The following RBMS3 variants were observed in gnomAD, a reference collection of about 807,000 sequenced individuals.
The protein encoded by RBMS3 is RNA-binding motif, single-stranded-interacting protein 3.
A neutral mutation model predicts 66.8 loss-of-function variants in RBMS3; 27 were observed. The observed-to-expected ratio is 0.40, with a 90% CI of 0.30 to 0.56. RBMS3 has a LOEUF of 0.56. RBMS3 is among the 20% of genes least tolerant of loss of function. The pLI is 0.40. For synonymous variants in RBMS3, 188 were observed against 183.0 expected (o/e 1.03, Z -0.22); for missense variants, 513 against 549.5 (o/e 0.93, Z 0.66).
At chr3:29,611,422 C>T (rs1383907209) in intron 4 of RBMS3, among the ~76,000 whole-genome samples, 1 of 151,994 alleles carries the variant, frequency 6.6e-6, no homozygotes, top group African/African-American at 2.4e-5. Context: ...TCAAATTCGG[C>T]TGTATTCTGC....
At chr3:29,356,969 C>T (rs1216127558) in intron 1 of RBMS3, among the ~76,000 whole-genome samples, 1 of 151,992 alleles carries the variant, frequency 6.6e-6, no homozygotes, top group Non-Finnish European at 1.5e-5. Context: ...ATTATCCATG[C>T]ATGATTACAT....
At chr3:29,587,091 A>G (rs770360289) in intron 3 of RBMS3, 23 bp from the exon 4 acceptor site, 1 of 1,577,028 alleles carries the variant, frequency 6.3e-7, no homozygotes, top group East Asian at 2.3e-5. Flanking sequence ...GAATATTAAC[A>G]AGGGGATTTT....
At chr3:29,730,822 A>G in intron 4 of RBMS3, 1 of 946,078 alleles carries the variant, frequency 1.1e-6, no homozygotes, top group Non-Finnish European at 1.3e-6. Context: ...TGATATGGTA[A>G]TATATTAAAA....
In RBMS3 at chr3:29,356,731, T is replaced by A. The variant is rs142258020; in HGVS notation, c.75+74975T>A. Among the ~76,000 whole-genome samples, 692 of 152,268 alleles carry A rather than the reference T, an allele frequency of 4.5e-3. 7 individuals are homozygous for A. The highest frequency in any genetic ancestry group is 0.015 in the African/African-American group (623 of 41,566). On this transcript the variant is annotated intron_variant, in intron 1 of 14. Transcript: ENST00000383767. ...GCTAAATAATATTTACTGTGAAAGA[T>A]GTGTGTGTTTGTCAGTGGATGTGTG...
chr3:29,571,429 C>A (rs2046949947), intron 3 of RBMS3, among the ~76,000 whole-genome samples: 4 of 152,018 alleles, frequency 2.6e-5, no homozygotes, highest in Non-Finnish European at 1.5e-5. Context: ...AGTCTTTAAT[C>A]CATTTTGATA....
At chr3:29,988,414 T>C (rs1698581523) in intron 13 of RBMS3, among the ~76,000 whole-genome samples, 191 bp downstream of exon 13, 1 of 152,234 alleles carries the variant, frequency 6.6e-6, no homozygotes. Context: ...GCACATGAAA[T>C]GAGCTCATCT....
chr3:29,826,265 G>T (rs1295863157), intron 6 of RBMS3, among the ~76,000 whole-genome samples: 3 of 152,090 alleles, frequency 2.0e-5, no homozygotes, highest in Non-Finnish European at 4.4e-5. Context: ...TATAGCAATT[G>T]TTCACTATAA....
At chr3:29,460,276 G>A (rs1378334449) in intron 2 of RBMS3, among the ~76,000 whole-genome samples, 1 of 152,286 alleles carries the variant, frequency 6.6e-6, no homozygotes, top group Admixed American at 6.5e-5. Context: ...AGTGATTTCA[G>A]TGCAGTGGAT....
At chr3:29,729,149 A>T (rs552825809) in intron 4 of RBMS3, among the ~76,000 whole-genome samples, 89 of 77,666 alleles carry the variant, frequency 1.1e-3, no homozygotes, top group Admixed American at 1.6e-3. Flanking sequence ...CCACCCCCCA[A>T]CCCCCTGACA....
At chr3:29,339,857 CAG>C (rs1321964076) in intron 1 of RBMS3, among the ~76,000 whole-genome samples, 2 of 152,178 alleles carry the variant, frequency 1.3e-5, no homozygotes, top group African/African-American at 2.4e-5. Flanking sequence ...CAAGATGGCA[CAG>C]AGTATGTTGT....
rs117559892 is a variant in RBMS3, at chr3:29,784,781, G to A, written c.637+21792G>A. Among the ~76,000 whole-genome samples the A allele has an allele frequency of 9.4e-3, 1,429 of 151,996 alleles. 41 individuals are homozygous for A. In the East Asian group the frequency reaches 0.1, roughly 11 times the overall value. On this transcript the variant is annotated intron_variant, in intron 6 of 14. Transcript: ENST00000383767. ...AAACGATAAATAAAATTGATAGACC[G>A]TTAGCAAAATTAACCAAGAAAAGAA...
Position 30,005,103 on chromosome 3 carries a change from TA to T in RBMS3, c.*1254del, listed in dbSNP as rs10681559. ...AGGTTGTTTTCGTTTCTTTTCTTTT[TA>T]AAAAAAAAAAAATTTATTTGACCGA... On this transcript the variant is annotated 3_prime_UTR_variant, in exon 15 of 15. Transcript: ENST00000383767. 187 of 142,256 alleles carry T rather than the reference TA, an allele frequency of 1.3e-3. 1 individual carries two copies. The highest frequency in any genetic ancestry group is 2.9e-3 in the African/African-American group (117 of 39,888). The allele number at this position is 142,256 out of a possible 1,614,324, so 8.8% of individuals were successfully genotyped here.
chr3:29,988,033 T>C (rs1698548836), intron 12 of RBMS3, 110 bp from the exon 13 acceptor site: 1 of 809,372 alleles, frequency 1.2e-6, no homozygotes, highest in East Asian at 2.6e-5. Flanking sequence ...TGGGAAAAAA[T>C]ACACACTGGC....
chr3:29,698,073 AATC>A (rs2052363197), intron 4 of RBMS3: 1 of 373,220 alleles, frequency 2.7e-6, no homozygotes, highest in Non-Finnish European at 3.7e-6. Context: ...GCAACACAAA[AATC>A]TTCATACTTG....
intron 6 of RBMS3, chr3:29,765,708 A>T (rs928767773): frequency 6.6e-6 from 1 of 151,964 alleles, no homozygotes; most frequent in African/African-American, 2.4e-5. Flanking sequence ...ATTGAATATG[A>T]TGTCAATCAT....
At chr3:29,701,443 G>C (rs866449817) in intron 4 of RBMS3, among the ~76,000 whole-genome samples, 8 of 152,178 alleles carry the variant, frequency 5.3e-5, no homozygotes, top group Admixed American at 2.6e-4. Flanking sequence ...GCTCGCCCTC[G>C]GTGCCTCCTC....
At chr3:29,578,793 T>C (rs1417206818) in intron 3 of RBMS3, among the ~76,000 whole-genome samples, 5 of 111,744 alleles carry the variant, frequency 4.5e-5, no homozygotes, top group African/African-American at 8.7e-5. Context: ...CATGCTTCTT[T>C]TTTTTTTTTT....
At chr3:29,845,100 G>A (rs747337297) in intron 6 of RBMS3, among the ~76,000 whole-genome samples, 22 of 152,162 alleles carry the variant, frequency 1.4e-4, no homozygotes, top group Non-Finnish European at 2.1e-4. Flanking sequence ...GGCCATGGAG[G>A]CTCATGTTTA....
chr3:29,857,358 TC>T (rs906413480), intron 6 of RBMS3, among the ~76,000 whole-genome samples: 1 of 151,996 alleles, frequency 6.6e-6, no homozygotes, highest in African/African-American at 2.4e-5. Context: ...AAAAGATTCC[TC>T]CCTATCTACC....
Sources: allele counts gnomAD v4.1 joint callset (sites outside exome capture counted in the v4.1 genomes callset), GRCh38; gene constraint gnomAD v4.1.1; transcripts MANE v1.5; gene names NCBI Gene and HGNC (gene_info 2026-07-23, HGNC 2026-07-21).